The following NKAIN3 variants were observed in gnomAD, a reference collection of about 807,000 sequenced individuals.
NKAIN3 encodes sodium/potassium-transporting ATPase subunit beta-1-interacting protein 3.
A neutral mutation model predicts 30.2 loss-of-function variants in NKAIN3; 25 were observed. The observed-to-expected ratio is 0.83, with a 90% CI of 0.60 to 1.16. The LOEUF (loss-of-function observed/expected upper bound fraction) is 1.16. NKAIN3 is among the 50% of genes most tolerant of loss of function. NKAIN3 has a pLI of 0.00. For synonymous variants in NKAIN3, 91 were observed against 89.6 expected, an observed-to-expected ratio of 1.02 and a Z score of -0.09; for missense variants, 225 against 254.1, an observed-to-expected ratio of 0.89 and a Z score of 0.78.
At chr8:62,281,447 A>G (rs1813188127) in intron 1 of NKAIN3, among the ~76,000 whole-genome samples, 1 of 151,926 alleles carries the variant, frequency 6.6e-6, no homozygotes, top group South Asian at 2.1e-4. Flanking sequence ...TTGCTTCTCT[A>G]GTTCTTTTAG....
intron 1 of NKAIN3, among the ~76,000 whole-genome samples, chr8:62,342,235 C>CAAAAAAAAAAAAAAAAAAA (rs3058285): frequency 3.2e-5 from 4 of 124,770 alleles, no homozygotes; most frequent in African/African-American, 1.3e-4. Flanking sequence ...ACCACTGAAC[C>CAAAAAAAAAAAAAAAAAAA]AAAAAAAAAA....
intron 3 of NKAIN3, among the ~76,000 whole-genome samples, chr8:62,699,706 AG>A (rs1814271635): frequency 6.6e-6 from 1 of 152,162 alleles, no homozygotes; most frequent in Non-Finnish European, 1.5e-5. Flanking sequence ...ACATTCCTGG[AG>A]TTATGATTAG....
chr8:62,985,408 A>C (rs1824182563), downstream of NKAIN3, among the ~76,000 whole-genome samples: 1 of 152,246 alleles, frequency 6.6e-6, no homozygotes, highest in African/African-American at 2.4e-5. Flanking sequence ...ATCCACCTTC[A>C]CAGGCTGGTC....
At chr8:62,423,629 A>G (rs1000437483) in intron 1 of NKAIN3, among the ~76,000 whole-genome samples, 1 of 151,810 alleles carries the variant, frequency 6.6e-6, no homozygotes, top group African/African-American at 2.4e-5. Context: ...GCTTTTAACC[A>G]GGTCTATCCA....
chr8:62,944,912 G>A (rs956023122), intron 5 of NKAIN3, among the ~76,000 whole-genome samples: 1 of 152,124 alleles, frequency 6.6e-6, no homozygotes, highest in Non-Finnish European at 1.5e-5. Flanking sequence ...CCAATATTTG[G>A]TGCTAGTATT....
chr8:62,872,452 C>T (rs1382802019), intron 4 of NKAIN3, among the ~76,000 whole-genome samples: 1 of 152,180 alleles, frequency 6.6e-6, no homozygotes, highest in Non-Finnish European at 1.5e-5. Context: ...AAAGCTCATG[C>T]ACAACAGCTG....
chr8:62,889,388 T>TAATAA (rs1821235979), intron 4 of NKAIN3, among the ~76,000 whole-genome samples: 1 of 151,566 alleles, frequency 6.6e-6, no homozygotes, highest in Admixed American at 6.6e-5. Flanking sequence ...ATAATAATAA[T>TAATAA]AATAAAATAA....
intron 3 of NKAIN3, among the ~76,000 whole-genome samples, chr8:62,662,816 T>C (rs775187528): frequency 2.6e-5 from 4 of 152,212 alleles, no homozygotes; most frequent in Non-Finnish European, 5.9e-5. Context: ...TGGGAGATGA[T>C]TCAGTGATGA....
intron 1 of NKAIN3, among the ~76,000 whole-genome samples, chr8:62,486,504 T>C (rs776018817): frequency 2.0e-4 from 31 of 152,214 alleles, no homozygotes; most frequent in Non-Finnish European, 4.1e-4. Flanking sequence ...CCTTTGGTAA[T>C]TCAAAATATT....
chr8:62,440,761 C>T (rs1805300496), intron 1 of NKAIN3, among the ~76,000 whole-genome samples: 1 of 151,646 alleles, frequency 6.6e-6, no homozygotes, highest in African/African-American at 2.4e-5. Flanking sequence ...CAATGAAAGA[C>T]CTTGGCATGC....
intron 1 of NKAIN3, among the ~76,000 whole-genome samples, chr8:62,316,082 C>T (rs1814615037): frequency 6.6e-6 from 1 of 152,194 alleles, no homozygotes; most frequent in African/African-American, 2.4e-5. Context: ...CTTCTCCTTG[C>T]TGCCACCATG....
At chr8:62,311,310 C>A (rs755304227) in intron 1 of NKAIN3, among the ~76,000 whole-genome samples, 1 of 150,038 alleles carries the variant, frequency 6.7e-6, no homozygotes, top group Non-Finnish European at 1.5e-5. Context: ...AGGAAAGAGT[C>A]AAAGAAAGCA....
intron 1 of NKAIN3, among the ~76,000 whole-genome samples, chr8:62,534,427 T>C (rs2129856711): frequency 6.6e-6 from 1 of 152,296 alleles, no homozygotes; most frequent in South Asian, 2.1e-4. Context: ...CACGAAATCA[T>C]ACCCACCAGC....
intron 1 of NKAIN3, among the ~76,000 whole-genome samples, chr8:62,558,425 C>A (rs1310137908): frequency 6.6e-6 from 1 of 151,796 alleles, no homozygotes; most frequent in Non-Finnish European, 1.5e-5. Context: ...TTTAGGATTT[C>A]TTTTTCTAGT....
intron 4 of NKAIN3, among the ~76,000 whole-genome samples, chr8:62,871,217 A>G (rs1820631476): frequency 6.6e-6 from 1 of 151,972 alleles, no homozygotes; most frequent in Non-Finnish European, 1.5e-5. Flanking sequence ...CCTGGCCAAC[A>G]TGGTGAAACC....
chr8:62,483,033 C>T (rs939208564), intron 1 of NKAIN3: 5 of 152,140 alleles, frequency 3.3e-5, no homozygotes, highest in South Asian at 2.1e-4. Context: ...ACACCAGAGC[C>T]GTCTCTTCTC....
intron 1 of NKAIN3, among the ~76,000 whole-genome samples, chr8:62,381,510 A>G (rs1392124337): frequency 1.3e-5 from 2 of 151,426 alleles, no homozygotes; most frequent in Non-Finnish European, 2.9e-5. Context: ...ATATATATAC[A>G]TACACACACA....
intron 2 of NKAIN3, among the ~76,000 whole-genome samples, chr8:62,585,948 A>C (rs1348461634): frequency 6.6e-6 from 1 of 152,196 alleles, no homozygotes; most frequent in Non-Finnish European, 1.5e-5. Context: ...TTAAATCTTC[A>C]TTATTTCATG....
At chr8:62,295,495 G>A (rs955002279) in intron 1 of NKAIN3, among the ~76,000 whole-genome samples, 2 of 152,134 alleles carry the variant, frequency 1.3e-5, no homozygotes, top group Non-Finnish European at 2.9e-5. Context: ...GTGAACTAGA[G>A]CAAAATAACA....
Sources: gnomAD v4.1 joint callset for allele counts (sites outside exome capture counted in the v4.1 genomes callset) on GRCh38, gnomAD v4.1.1 for gene constraint, MANE v1.5 for transcripts, NCBI Gene and HGNC (gene_info 2026-07-23, HGNC 2026-07-21) for gene names.